BLM: variants seen among roughly 807,000 people sequenced by gnomAD.
BLM encodes the protein recQ-like DNA helicase BLM.
A neutral mutation model predicts 135.3 loss-of-function variants in BLM; 95 were observed. The ratio of observed to expected loss-of-function variants is 0.70; its 90% CI spans 0.59 to 0.83. The LOEUF (loss-of-function observed/expected upper bound fraction) is 0.83, where lower values mean the gene tolerates loss of function less well. BLM is among the 40% of genes least tolerant of loss of function. The probability of loss-of-function intolerance (pLI) is 0.00; values close to 1 mark genes in which losing one functional copy is unlikely to be tolerated. For synonymous variants in BLM, 520 were observed against 589.2 expected, an observed-to-expected ratio of 0.88 and a Z score of 1.70; for missense variants, 1,518 against 1,663.9, an observed-to-expected ratio of 0.91 and a Z score of 1.53.
In BLM at chr15:90,760,247, T is replaced by C. The variant is rs756454608; in HGVS notation, c.1188T>C (p.Cys396=). ...IPDDKLKLLD[C]GNELLQQRNI... ...ATGATAAACTGAAACTTTTGGATTG[T>C]GGGAACGAACTGCTTCAGCAGCGGA... Residue 396 remains cysteine (C), a synonymous_variant, in exon 6 of 22, where the codon TGT becomes TGC. Transcript: ENST00000355112. The C allele has an allele frequency of 6.2e-7, 1 of 1,614,154 alleles. No individual in the cohort carries two copies. The highest frequency in any genetic ancestry group is 1.1e-5 in the South Asian group (1 of 91,088).
chr15:90,752,897 G>A (rs1324660606), intron 4 of BLM, among the ~76,000 whole-genome samples: 1 of 152,150 alleles, frequency 6.6e-6, no homozygotes, highest in Non-Finnish European at 1.5e-5. Flanking sequence ...GCCCAGGGAG[G>A]AGCAAGGAAT....
rs1265868495 is a variant in BLM, at chr15:90,811,308, T to C, written c.3978T>C (p.Phe1326=). ...AAATACCCGTATCTTCCCACTACTT[T>C]GCAAGTAAAACCAGAAATGAAAGGA... is the stretch of plus-strand genomic sequence containing the variant. ...DEEIPVSSHY[F]ASKTRNERKR... Residue 1326 remains phenylalanine (F), a synonymous_variant, in exon 21 of 22, where the codon TTT becomes TTC. Coordinates refer to ENST00000355112, the MANE Select transcript of BLM (RefSeq NM_000057.4). 10 of 1,614,112 alleles carry C rather than the reference T, an allele frequency of 6.2e-6. No individual in the cohort carries two copies. Among genetic ancestry groups the C allele is most frequent in the Non-Finnish European group, 7.6e-6 (9 of 1,180,034 alleles).
intron 14 of BLM, among the ~76,000 whole-genome samples, chr15:90,788,579 G>A (rs1421117778): frequency 7.4e-5 from 11 of 149,248 alleles, no homozygotes; most frequent in African/African-American, 2.7e-4. Context: ...AGAGAGTTTG[G>A]CAAAAAACCT....
chr15:90,792,339 C>G (rs1222947717), intron 15 of BLM, among the ~76,000 whole-genome samples: 1 of 152,120 alleles, frequency 6.6e-6, no homozygotes, highest in Non-Finnish European at 1.5e-5. Flanking sequence ...CTCCTGACCT[C>G]CAGTGATCTG....
rs1060500644 is a variant in BLM at position 90,749,450 on chromosome 15, G to T, written c.182G>T (p.Arg61Ile). ...TCAGTAGCAAAAACACCTGTATTAA[G>T]AAATAAAGATGTTAATGTTACCGAA... ...NVSVAKTPVL[R>I]NKDVNVTEDF... The change falls in exon 3 of 22, where the codon AGA (arginine) becomes ATA (isoleucine). Residue 61 changes from arginine (R) to isoleucine (I), a missense_variant. This residue lies in a region of BLM where 724 missense variants were observed against 756.9 expected (regional missense o/e 0.96). Coordinates refer to ENST00000355112, the MANE Select transcript of BLM (RefSeq NM_000057.4). 1 of 1,611,948 alleles carries T rather than the reference G, an allele frequency of 6.2e-7. No individual in the cohort carries two copies. Among genetic ancestry groups the T allele is most frequent in the Non-Finnish European group, 8.5e-7 (1 of 1,178,046 alleles).
chr15:90,794,569 A>G (rs996864754), intron 16 of BLM, among the ~76,000 whole-genome samples: 8 of 151,838 alleles, frequency 5.3e-5, no homozygotes. Flanking sequence ...AAAAAATATA[A>G]TGGACATCAG....
At position 90,792,321 on chromosome 15, in the gene BLM, G is replaced by A. The variant is rs561423158; in HGVS notation, c.3019+1477G>A. ...GGGTTTCACCATGTTGGCCAGGCTG[G>A]TCTTGAACTCCTGACCTCCAGTGAT... is the stretch of plus-strand genomic sequence containing the variant. On this transcript the variant is annotated intron_variant, in intron 15 of 21. Transcript: ENST00000355112. Among the ~76,000 whole-genome samples, 5 of 152,110 alleles carry A rather than the reference G, an allele frequency of 3.3e-5. No individual in the cohort carries two copies. In the South Asian group the frequency reaches 1.0e-3, roughly 32 times the overall value.
intron 5 of BLM, chr15:90,759,916 A>G: frequency 1.1e-5 from 2 of 182,596 alleles, no homozygotes; most frequent in East Asian, 3.1e-4. Context: ...CCCACTTTAA[A>G]AAAAAAAAAA....
intron 15 of BLM, among the ~76,000 whole-genome samples, chr15:90,792,400 C>G (rs1896927552): frequency 6.6e-6 from 1 of 152,146 alleles, no homozygotes; most frequent in Non-Finnish European, 1.5e-5. Flanking sequence ...GCCACTATGC[C>G]CAGCCGAGAC....
chr15:90,718,707 A>T (rs1894677362), intron 1 of BLM, among the ~76,000 whole-genome samples: 1 of 152,184 alleles, frequency 6.6e-6, no homozygotes, highest in African/African-American at 2.4e-5. Flanking sequence ...CAGGTACCTT[A>T]TAAGTATAGT....
intron 5 of BLM, 129 bp from the exon 6 acceptor site, chr15:90,760,018 G>A (rs1895924638): frequency 1.2e-6 from 1 of 818,926 alleles, no homozygotes. Context: ...TTGAACTCCT[G>A]GACTTAAGCA....
intron 1 of BLM, among the ~76,000 whole-genome samples, chr15:90,717,728 C>T (rs1054633175): frequency 5.2e-5 from 8 of 152,384 alleles, no homozygotes; most frequent in African/African-American, 1.9e-4. Flanking sequence ...CCCATATACT[C>T]CAGTGCGTAA....
rs150060039 is a variant in BLM, at chr15:90,803,124, C to T, written c.3359-397C>T. Among the ~76,000 whole-genome samples the T allele has an allele frequency of 7.0e-3, 1,044 of 150,038 alleles. 13 individuals are homozygous for T. The highest frequency in any genetic ancestry group is 0.023 in the African/African-American group (937 of 40,618). On this transcript the variant is annotated intron_variant, in intron 17 of 21. Transcript: ENST00000355112. ...GCTGCAGTGAACCATGATTGCACCA[C>T]TGCACTCCAACCTCCACAATAGAGT...
intron 1 of BLM, among the ~76,000 whole-genome samples, chr15:90,735,771 AAG>A (rs1173746335): frequency 2.0e-5 from 3 of 152,180 alleles, no homozygotes; most frequent in African/African-American, 4.8e-5. Flanking sequence ...AGGGCAATAA[AAG>A]AGGGGGAAAA....
At chr15:90,736,085 C>G (rs976927225) in intron 1 of BLM, among the ~76,000 whole-genome samples, 1 of 152,200 alleles carries the variant, frequency 6.6e-6, no homozygotes, top group African/African-American at 2.4e-5. Context: ...TCTCACCTAT[C>G]AGCTCTGCAC....
At chr15:90,724,314 A>T (rs1380884037) in intron 1 of BLM, among the ~76,000 whole-genome samples, 2 of 152,044 alleles carry the variant, frequency 1.3e-5, no homozygotes, top group Middle Eastern at 3.4e-3. Flanking sequence ...CATCTAGTCA[A>T]TTTTTTTCTT....
At chr15:90,811,714 G>C (rs1897425907) in intron 21 of BLM, among the ~76,000 whole-genome samples, 1 of 152,154 alleles carries the variant, frequency 6.6e-6, no homozygotes, top group African/African-American at 2.4e-5. Flanking sequence ...CTAGAGTGCA[G>C]TGGCACAATC....
At chr15:90,793,262 C>T (rs1896950999) in intron 15 of BLM, among the ~76,000 whole-genome samples, 1 of 151,550 alleles carries the variant, frequency 6.6e-6, no homozygotes, top group African/African-American at 2.4e-5. Context: ...AGCCTCCCGA[C>T]TAGCAGGGAT....
At chr15:90,731,803 T>C (rs925160727) in intron 1 of BLM, among the ~76,000 whole-genome samples, 1 of 152,044 alleles carries the variant, frequency 6.6e-6, no homozygotes, top group Admixed American at 6.5e-5. Context: ...TTTTTTACTC[T>C]TAAAAATTTT....
Sources: gnomAD v4.1 joint callset for allele counts (sites outside exome capture counted in the v4.1 genomes callset) on GRCh38, gnomAD v4.1.1 for gene constraint, gnomAD v4.1.1 regional missense constraint, MANE v1.5 for transcripts, NCBI Gene and HGNC (gene_info 2026-07-23, HGNC 2026-07-21) for gene names.